Variants in CAMK2D observed in about 807,000 individuals in gnomAD.
CAMK2D encodes the protein calcium/calmodulin dependent protein kinase II delta, also known as calcium/calmodulin-dependent protein kinase type II subunit delta.
In CAMK2D, 37 loss-of-function variants were observed where a neutral mutation model predicts 84.0. That is an observed-to-expected ratio of 0.44 (90% CI 0.34 to 0.58). The LOEUF is 0.58. Ranked by LOEUF, CAMK2D falls within the 20% of genes least tolerant of loss-of-function variation. CAMK2D has a pLI of 0.02. For missense variants in CAMK2D, 448 were observed against 652.5 expected (o/e 0.69, Z 3.41); for synonymous variants, 202 against 212.5 (o/e 0.95, Z 0.43).
rs149421882 is a variant in CAMK2D, at chr4:113,518,374, T to C, written c.602-717A>G. Reference sequence around the variant, plus strand: ...TTGCTAAAATTTTTCACAAACATAATTATTTATAAATTAACCAAAATCTAA... The same window carrying C: ...TTGCTAAAATTTTTCACAAACATAACTATTTATAAATTAACCAAAATCTAA... On this transcript the variant is annotated intron_variant, in intron 8 of 20. Coordinates refer to ENST00000511664, the MANE Select transcript of CAMK2D (RefSeq NM_001321571.2). Among the ~76,000 whole-genome samples the C allele has an allele frequency of 3.9e-3, 590 of 152,304 alleles. 5 individuals are homozygous for C. The highest frequency in any genetic ancestry group is 0.014 in the African/African-American group (569 of 41,572).
At chr4:113,742,144 A>G (rs1238449206) in intron 2 of CAMK2D, among the ~76,000 whole-genome samples, 4 of 152,228 alleles carry the variant, frequency 2.6e-5, no homozygotes, top group Non-Finnish European at 5.9e-5. Flanking sequence ...CAGTTGCTCA[A>G]TAAATATTTG....
chr4:113,699,057 C>A (rs2099411028), intron 2 of CAMK2D, among the ~76,000 whole-genome samples: 1 of 152,044 alleles, frequency 6.6e-6, no homozygotes. Context: ...AATGATGTTT[C>A]TCAGTGGTAT....
At chr4:113,611,723 AGTC>A (rs369862022) in intron 3 of CAMK2D, among the ~76,000 whole-genome samples, 17,697 of 152,206 alleles carry the variant, frequency 0.12, 1,303 homozygotes, top group East Asian at 0.19. Context: ...TTTTTGAACA[AGTC>A]AGGAGTTACT....
chr4:113,542,597 C>T (rs528828793), intron 6 of CAMK2D, among the ~76,000 whole-genome samples: 1 of 152,152 alleles, frequency 6.6e-6, no homozygotes, highest in African/African-American at 2.4e-5. Flanking sequence ...CGCCTGTAGT[C>T]CCAGCTACTC....
chr4:113,524,285 A>T (rs976526739), intron 8 of CAMK2D, among the ~76,000 whole-genome samples: 1 of 152,132 alleles, frequency 6.6e-6, no homozygotes, highest in Non-Finnish European at 1.5e-5. Context: ...TATACATGAA[A>T]CACTAATTTC....
At chr4:113,704,710 G>A (rs949853321) in intron 2 of CAMK2D, among the ~76,000 whole-genome samples, 1 of 151,746 alleles carries the variant, frequency 6.6e-6, no homozygotes, top group African/African-American at 2.4e-5. Context: ...ACACTATAAA[G>A]CCCACCGTGA....
At chr4:113,501,430 A>G (rs2098044115) in intron 15 of CAMK2D, among the ~76,000 whole-genome samples, 1 of 152,118 alleles carries the variant, frequency 6.6e-6, no homozygotes, top group Admixed American at 6.5e-5. Flanking sequence ...AGAGCCAAAA[A>G]TAACTGGAAA....
chr4:113,644,629 G>A (rs2099144361), intron 3 of CAMK2D, among the ~76,000 whole-genome samples: 1 of 152,248 alleles, frequency 6.6e-6, no homozygotes, highest in Middle Eastern at 3.4e-3. Flanking sequence ...ACAGGTGTAA[G>A]GCTTTTTGTA....
intron 12 of CAMK2D, among the ~76,000 whole-genome samples, 171 bp from the exon 13 acceptor site, chr4:113,509,846 A>C (rs1193462840): frequency 6.6e-6 from 1 of 152,220 alleles, no homozygotes; most frequent in Admixed American, 6.5e-5. Context: ...ACATTGAAAT[A>C]CAGTATCACT....
intron 3 of CAMK2D, among the ~76,000 whole-genome samples, chr4:113,614,520 A>C (rs980226250): frequency 6.6e-6 from 1 of 152,160 alleles, no homozygotes; most frequent in African/African-American, 2.4e-5. Context: ...CTAAAAGAAA[A>C]GATCAGGTTC....
chr4:113,510,922 T>C (rs1283841326), intron 12 of CAMK2D, among the ~76,000 whole-genome samples: 1 of 152,166 alleles, frequency 6.6e-6, no homozygotes, highest in African/African-American at 2.4e-5. Context: ...TTAGCCATTA[T>C]ATTGTTTGCC....
At chr4:113,463,814 T>C (rs2097422730) in intron 17 of CAMK2D, among the ~76,000 whole-genome samples, 1 of 152,188 alleles carries the variant, frequency 6.6e-6, no homozygotes. Context: ...CAAAGATGAT[T>C]TAATGGGAAT....
chr4:113,551,896 GT>G (rs888862983), intron 5 of CAMK2D, 134 bp downstream of exon 5: 3 of 442,588 alleles, frequency 6.8e-6, no homozygotes, highest in Admixed American at 4.2e-5. Context: ...GATTCATGGA[GT>G]TTTTTTTCTC....
intron 16 of CAMK2D, among the ~76,000 whole-genome samples, chr4:113,493,286 G>T (rs1438142455): frequency 1.3e-5 from 2 of 152,046 alleles, no homozygotes; most frequent in African/African-American, 2.4e-5. Flanking sequence ...GGTACCGGTT[G>T]TTCCTTTCCA....
chr4:113,688,715 C>T (rs1383004407), intron 2 of CAMK2D, among the ~76,000 whole-genome samples: 1 of 152,022 alleles, frequency 6.6e-6, no homozygotes, highest in African/African-American at 2.4e-5. Flanking sequence ...AACTTCCGGA[C>T]CCTATATATC....
chr4:113,584,587 G>C (rs553264943), intron 4 of CAMK2D, among the ~76,000 whole-genome samples: 43 of 152,266 alleles, frequency 2.8e-4, no homozygotes, highest in African/African-American at 9.9e-4. Flanking sequence ...GAACAGATGT[G>C]TCTCTCCACC....
rs769483399 is a variant in CAMK2D, at chr4:113,680,064, T to C, written c.161-18292A>G. ...CTTCTACTAGTCCTTTTTCACATTA[T>C]TATTATTTTTTTCTTTTTTTAAAAT... is the stretch of plus-strand genomic sequence containing the variant. On this transcript the variant is annotated intron_variant, in intron 2 of 20. Transcript: ENST00000511664. 2.0e-4 allele frequency among the ~76,000 whole-genome samples: 30 copies of C among 152,318 alleles called. No homozygotes were observed. In the South Asian group the frequency reaches 2.9e-3, roughly 15 times the overall value.
chr4:113,558,468 C>A (rs2098680662), intron 4 of CAMK2D, among the ~76,000 whole-genome samples: 1 of 152,042 alleles, frequency 6.6e-6, no homozygotes, highest in Non-Finnish European at 1.5e-5. Flanking sequence ...CAGATTCAAC[C>A]AACTGAGGAT....
chr4:113,650,753 T>C (rs572199814), intron 3 of CAMK2D, among the ~76,000 whole-genome samples: 4 of 152,304 alleles, frequency 2.6e-5, no homozygotes, highest in South Asian at 4.1e-4. Context: ...TTCATGTGAA[T>C]ATGCAAAACT....
Sources: gnomAD v4.1 joint callset for allele counts (sites outside exome capture counted in the v4.1 genomes callset) on GRCh38, gnomAD v4.1.1 for gene constraint, MANE v1.5 for transcripts, NCBI Gene and HGNC (gene_info 2026-07-23, HGNC 2026-07-21) for gene names.